PTPRD: variants seen among roughly 807,000 people sequenced by gnomAD.
The protein encoded by PTPRD is protein tyrosine phosphatase receptor type D, also known as receptor-type tyrosine-protein phosphatase delta.
PTPRD carries 34 observed loss-of-function variants against 214.5 expected under a neutral mutation model. That is an observed-to-expected ratio of 0.16 (90% CI 0.12 to 0.21). PTPRD has a LOEUF of 0.21. Among genes scored for constraint, PTPRD ranks in the 10% least tolerant of loss-of-function variants. The probability of loss-of-function intolerance (pLI) is 1.00; values close to 1 mark genes in which losing one functional copy is unlikely to be tolerated. For missense variants in PTPRD, 2,545 were observed against 2,398.7 expected, an observed-to-expected ratio of 1.06 and a Z score of -1.27; for synonymous variants, 1,128 against 845.7, an observed-to-expected ratio of 1.33 and a Z score of -5.79.
Position 9,620,022 on chromosome 9 carries a change from G to A in PTPRD, c.-286-45241C>T, listed in dbSNP as rs577426483. Reference sequence around the variant, plus strand: ...AAAGAGAGAGAGGTGGAGAGAGTTTGTTTTCAGTATGTAGAATGGGCATTG... The same window carrying A: ...AAAGAGAGAGAGGTGGAGAGAGTTTATTTTCAGTATGTAGAATGGGCATTG... On this transcript the variant is annotated intron_variant, in intron 7 of 45. Transcript: ENST00000381196. 5.9e-5 allele frequency among the ~76,000 whole-genome samples: 9 copies of A among 151,908 alleles called. No individual in the cohort carries two copies. The East Asian group carries it at 1.7e-3, about 29-fold the overall frequency.
At chr9:8,513,739 G>A (rs1040546151) in intron 21 of PTPRD, among the ~76,000 whole-genome samples, 1 of 151,922 alleles carries the variant, frequency 6.6e-6, no homozygotes, top group African/African-American at 2.4e-5. Flanking sequence ...GGAGCAGCTC[G>A]GCATTAATTA....
rs1821808484 is a variant in PTPRD at position 8,316,424 on chromosome 9, G to T, written c.*1450C>A. 1 of 231,116 alleles carries T rather than the reference G, an allele frequency of 4.3e-6. No homozygotes were observed. Among genetic ancestry groups the T allele is most frequent in the East Asian group, 6.1e-5 (1 of 16,342 alleles). The allele number at this position is 231,116 out of a possible 1,614,324, so 14.3% of individuals were successfully genotyped here. On this transcript the variant is annotated 3_prime_UTR_variant, in exon 46 of 46. Coordinates refer to ENST00000381196, the MANE Select transcript of PTPRD (RefSeq NM_002839.4). The stretch of plus-strand genomic sequence containing the variant: ...ATGCTGTATGCCACAAAATGTTTCT[G>T]ACTGAACAGAGTAACATGAATTTGG...
chr9:9,515,046 T>C (rs1451221002), intron 8 of PTPRD, among the ~76,000 whole-genome samples: 1 of 152,142 alleles, frequency 6.6e-6, no homozygotes, highest in Admixed American at 6.6e-5. Flanking sequence ...TACATTTATA[T>C]GTTGGGTAGC....
intron 5 of PTPRD, among the ~76,000 whole-genome samples, chr9:9,775,754 T>G (rs367653053): frequency 3.3e-5 from 5 of 152,006 alleles, no homozygotes; most frequent in South Asian, 4.2e-4. Context: ...CCATCCTGGC[T>G]AACACGGTGA....
At chr9:8,540,851 CT>C (rs1291014913) in intron 14 of PTPRD, among the ~76,000 whole-genome samples, 9 of 152,074 alleles carry the variant, frequency 5.9e-5, no homozygotes, top group African/African-American at 2.2e-4. Context: ...AATAATTTTT[CT>C]AAAAAGAGCA....
chr9:8,455,643 A>G (rs1030781193), intron 33 of PTPRD, among the ~76,000 whole-genome samples: 1 of 152,244 alleles, frequency 6.6e-6, no homozygotes, highest in Admixed American at 6.5e-5. Context: ...TGGTACAAAC[A>G]CACACATACA....
At chr9:8,343,339 A>T (rs11999115) in intron 39 of PTPRD, among the ~76,000 whole-genome samples, 14 of 152,020 alleles carry the variant, frequency 9.2e-5, no homozygotes, top group Non-Finnish European at 7.4e-5. Flanking sequence ...GATGCCAAGA[A>T]TCCAATCCCA....
At chr9:9,787,389 C>A (rs1458688486) in intron 5 of PTPRD, among the ~76,000 whole-genome samples, 5 of 134,434 alleles carry the variant, frequency 3.7e-5, no homozygotes, top group Admixed American at 1.5e-4. Flanking sequence ...AAATATGTAT[C>A]AAGATTCAGG....
At chr9:8,671,370 G>A (rs2097282450) in intron 12 of PTPRD, among the ~76,000 whole-genome samples, 1 of 152,068 alleles carries the variant, frequency 6.6e-6, no homozygotes, top group African/African-American at 2.4e-5. Context: ...TGGAAAAGGG[G>A]AAAAGTAACA....
chr9:10,250,371 A>T (rs2092659929), intron 3 of PTPRD, among the ~76,000 whole-genome samples: 1 of 152,134 alleles, frequency 6.6e-6, no homozygotes, highest in Non-Finnish European at 1.5e-5. Context: ...AACAGTTTCT[A>T]CACTTTTGAA....
At chr9:8,626,146 A>G (rs1220879086) in intron 14 of PTPRD, among the ~76,000 whole-genome samples, 1 of 151,892 alleles carries the variant, frequency 6.6e-6, no homozygotes, top group Non-Finnish European at 1.5e-5. Flanking sequence ...AAATAAAACT[A>G]ATTTGGAAAA....
intron 12 of PTPRD, among the ~76,000 whole-genome samples, chr9:8,650,900 T>C (rs979538023): frequency 7.9e-5 from 12 of 152,058 alleles, no homozygotes; most frequent in African/African-American, 2.7e-4. Context: ...AATTCATTTC[T>C]CTGCAGACCC....
intron 10 of PTPRD, among the ~76,000 whole-genome samples, chr9:9,038,185 A>C (rs1052618074): frequency 3.9e-5 from 6 of 152,102 alleles, no homozygotes; most frequent in Non-Finnish European, 7.4e-5. Context: ...CTGAATAAGA[A>C]ATCAAAAAAA....
chr9:10,115,271 T>C (rs928181788), intron 3 of PTPRD, among the ~76,000 whole-genome samples: 3 of 152,114 alleles, frequency 2.0e-5, no homozygotes, highest in Non-Finnish European at 4.4e-5. Context: ...TAATGTTGTA[T>C]ATTTATCAGA....
intron 44 of PTPRD, among the ~76,000 whole-genome samples, chr9:8,321,477 G>GTATATATATATATA (rs1227799696): frequency 2.7e-5 from 2 of 75,384 alleles, no homozygotes; most frequent in African/African-American, 1.2e-4. Context: ...GTGTGTGTGT[G>GTATATATATATATA]TGTGTGTGTG....
intron 12 of PTPRD, among the ~76,000 whole-genome samples, chr9:8,641,243 T>C (rs939906293): frequency 6.7e-6 from 1 of 148,244 alleles, no homozygotes; most frequent in Non-Finnish European, 1.5e-5. Context: ...AGACTAAGAT[T>C]TGAATCGTGA....
Position 10,475,871 on chromosome 9 carries a change from CA to C in PTPRD, c.-599-134855del, listed in dbSNP as rs370859582. On this transcript the variant is annotated intron_variant, in intron 2 of 45. Coordinates refer to ENST00000381196, the MANE Select transcript of PTPRD (RefSeq NM_002839.4). ...TCCATCATATAAGTAGAACCAATGA[CA>C]AAAAAAAACATATGATTATCTCAGT... 9.5e-3 allele frequency among the ~76,000 whole-genome samples: 1,399 copies of C among 147,832 alleles called. 24 individuals carry two copies. Among genetic ancestry groups the C allele is most frequent in the African/African-American group, 0.032 (1,316 of 40,896 alleles).
chr9:9,121,864 C>G (rs955893109), intron 10 of PTPRD, among the ~76,000 whole-genome samples: 20 of 152,078 alleles, frequency 1.3e-4, no homozygotes, highest in Non-Finnish European at 2.8e-4. Context: ...TGTAAAAAAA[C>G]TTGATCAGAT....
chr9:9,470,345 T>C lies in PTPRD; in HGVS notation c.-236-72863A>G, dbSNP rs569434626. On this transcript the variant is annotated intron_variant, in intron 8 of 45. Transcript: ENST00000381196. ...ACTGGAAACAGCAAGATACCACCTA[T>C]TGGAAGAAGTTTCATTGATTTCCAA... Among the ~76,000 whole-genome samples, 16 of 152,328 alleles carry C rather than the reference T, an allele frequency of 1.1e-4. No homozygotes were observed. In the East Asian group the frequency reaches 2.1e-3, roughly 20 times the overall value.
Sources: allele counts gnomAD v4.1 joint callset (sites outside exome capture counted in the v4.1 genomes callset), GRCh38; gene constraint gnomAD v4.1.1; transcripts MANE v1.5; gene names NCBI Gene and HGNC (gene_info 2026-07-23, HGNC 2026-07-21).